TMEM200A: variants seen among roughly 807,000 people sequenced by gnomAD.
TMEM200A encodes the protein two transmembrane C.
A neutral mutation model predicts 24.3 loss-of-function variants in TMEM200A; 12 were observed. The observed-to-expected ratio is 0.49, with a 90% CI of 0.32 to 0.80. The LOEUF is 0.80. TMEM200A is among the 30% of genes least tolerant of loss of function. The probability of loss-of-function intolerance (pLI) is 0.04; values close to 1 mark genes in which losing one functional copy is unlikely to be tolerated. For missense variants in TMEM200A, 545 were observed against 614.4 expected (o/e 0.89, Z 1.19); for synonymous variants, 224 against 224.4 (o/e 1.00, Z 0.02).
chr6:130,436,427 C>CA (rs11285357), intron 2 of TMEM200A, among the ~76,000 whole-genome samples: 1,839 of 113,084 alleles, frequency 0.016, 23 homozygotes, highest in African/African-American at 0.043. Context: ...CAAAACAAAA[C>CA]AAAAAAAAAC....
chr6:130,408,318 A>G (rs1222581976), intron 2 of TMEM200A, among the ~76,000 whole-genome samples: 1 of 152,144 alleles, frequency 6.6e-6, no homozygotes, highest in Non-Finnish European at 1.5e-5. Context: ...CTCCAACTAC[A>G]CTTGAGGCCA....
intron 2 of TMEM200A, among the ~76,000 whole-genome samples, chr6:130,417,421 C>A (rs1779482733): frequency 6.6e-6 from 1 of 151,962 alleles, no homozygotes. Flanking sequence ...CTTTATCTAC[C>A]CAGGTTGAAG....
At chr6:130,428,815 CTG>C (rs576727435) in intron 2 of TMEM200A, among the ~76,000 whole-genome samples, 76 of 152,284 alleles carry the variant, frequency 5.0e-4, no homozygotes, top group African/African-American at 1.8e-3. Flanking sequence ...GAACTGGAAA[CTG>C]TTTTTCTTAA....
intron 1 of TMEM200A, among the ~76,000 whole-genome samples, chr6:130,379,601 G>A (rs1032759593): frequency 2.6e-5 from 4 of 152,150 alleles, no homozygotes; most frequent in African/African-American, 4.8e-5. Context: ...AATGTCAAAC[G>A]GTGAAGCAGA....
At chr6:130,374,452 AC>A (rs1778398395) in intron 1 of TMEM200A, among the ~76,000 whole-genome samples, 3 of 150,138 alleles carry the variant, frequency 2.0e-5, no homozygotes, top group Non-Finnish European at 4.4e-5. Flanking sequence ...TCGCTCTGTC[AC>A]CAGTCAGGCT....
intron 1 of TMEM200A, chr6:130,381,860 T>C: frequency 3.1e-6 from 3 of 963,854 alleles, no homozygotes; most frequent in Non-Finnish European, 3.7e-6. Context: ...GAGAAATTGC[T>C]GACTGAAGGT....
intron 2 of TMEM200A, among the ~76,000 whole-genome samples, chr6:130,391,010 A>G (rs1291988994): frequency 6.6e-6 from 1 of 152,230 alleles, no homozygotes; most frequent in Non-Finnish European, 1.5e-5. Flanking sequence ...GTCTCCAGAC[A>G]TTGCCTAGTG....
Position 130,366,513 on chromosome 6 carries a change from T to A in TMEM200A, c.-92T>A. ...AGGCGACCCGACCCCCAGGGCCCGG[T>A]GCTCAGGACAGGTGAGGGGAAGGAA... On this transcript the variant is annotated 5_prime_UTR_variant, in exon 1 of 3. Transcript: ENST00000296978. This position sits in a 1 kb window ranked among gnomAD's most constrained non-coding sequence, Gnocchi z 4.4. 3 of 984,698 alleles carry A rather than the reference T, an allele frequency of 3.0e-6. No homozygotes were observed. The highest frequency in any genetic ancestry group is 3.6e-6 in the Non-Finnish European group (3 of 829,960). 61.0% of individuals were successfully genotyped at this position (984,698 alleles called of 1,614,324 possible).
At chr6:130,384,149 CTTG>C (rs371911668) in intron 1 of TMEM200A, among the ~76,000 whole-genome samples, 20 of 152,200 alleles carry the variant, frequency 1.3e-4, no homozygotes, top group African/African-American at 3.9e-4. Context: ...GAAGAAATCA[CTTG>C]TTAAGTACTT....
intron 2 of TMEM200A, among the ~76,000 whole-genome samples, chr6:130,409,288 C>A (rs1779279658): frequency 6.6e-6 from 1 of 152,140 alleles, no homozygotes; most frequent in African/African-American, 2.4e-5. Context: ...TTTTAAATTT[C>A]ATTATTTATC....
At chr6:130,430,742 C>T (rs1779857003) in intron 2 of TMEM200A, among the ~76,000 whole-genome samples, 1 of 152,142 alleles carries the variant, frequency 6.6e-6, no homozygotes, top group Non-Finnish European at 1.5e-5. Context: ...GGAAGTCTCC[C>T]TTCACACCTG....
chr6:130,406,845 A>G (rs894054291), intron 2 of TMEM200A, among the ~76,000 whole-genome samples: 4 of 152,106 alleles, frequency 2.6e-5, no homozygotes, highest in South Asian at 2.1e-4. Flanking sequence ...CACTGTCTTT[A>G]TGTCTTAGCC....
intron 2 of TMEM200A, among the ~76,000 whole-genome samples, chr6:130,422,995 A>G (rs1299772910): frequency 1.3e-5 from 2 of 152,204 alleles, no homozygotes; most frequent in East Asian, 1.9e-4. Context: ...GTAGCTCTCA[A>G]ATTGAACTTG....
chr6:130,414,592 A>G (rs1779407298), intron 2 of TMEM200A, among the ~76,000 whole-genome samples: 1 of 152,184 alleles, frequency 6.6e-6, no homozygotes, highest in Non-Finnish European at 1.5e-5. Flanking sequence ...ATTTTCATTA[A>G]GAGTGCTTGT....
At chr6:130,435,302 C>G (rs17059000) in intron 2 of TMEM200A, among the ~76,000 whole-genome samples, 4,808 of 152,178 alleles carry the variant, frequency 0.032, 83 homozygotes, top group African/African-American at 0.049. Flanking sequence ...TGTCTTTTAA[C>G]TTGGCCTTTG....
chr6:130,395,086 A>G (rs1300020146), intron 2 of TMEM200A, among the ~76,000 whole-genome samples: 2 of 152,188 alleles, frequency 1.3e-5, no homozygotes, highest in African/African-American at 4.8e-5. Flanking sequence ...GTAGACACTC[A>G]GGAAATATGT....
intron 2 of TMEM200A, among the ~76,000 whole-genome samples, chr6:130,426,772 C>G (rs550276732): frequency 6.6e-6 from 1 of 152,112 alleles, no homozygotes; most frequent in African/African-American, 2.4e-5. Context: ...GAAAGTTCAT[C>G]GATGCTGATT....
At chr6:130,400,708 G>A (rs2115131924) in intron 2 of TMEM200A, among the ~76,000 whole-genome samples, 1 of 151,882 alleles carries the variant, frequency 6.6e-6, no homozygotes. Context: ...GTTTAACTTG[G>A]GTTCTGCCTA....
In TMEM200A at chr6:130,375,362, T is replaced by C. The variant is rs537695449; in HGVS notation, c.-81+8838T>C. Among the ~76,000 whole-genome samples, 56 of 152,310 alleles carry C rather than the reference T, an allele frequency of 3.7e-4. No individual in the cohort carries two copies. In the Middle Eastern group the frequency reaches 0.01, roughly 28 times the overall value. On this transcript the variant is annotated intron_variant, in intron 1 of 2. Coordinates refer to ENST00000296978, the MANE Select transcript of TMEM200A (RefSeq NM_001258277.2). Reference sequence around the variant, plus strand: ...TACTTATAAGACACATAAAATCTCTTATAACATGCGTTAAAAAGTAAACTT... The same window carrying C: ...TACTTATAAGACACATAAAATCTCTCATAACATGCGTTAAAAAGTAAACTT...
Sources: allele counts gnomAD v4.1 joint callset (sites outside exome capture counted in the v4.1 genomes callset), GRCh38; gene constraint gnomAD v4.1.1; non-coding constraint Gnocchi (gnomAD v3.1); transcripts MANE v1.5; gene names NCBI Gene and HGNC (gene_info 2026-07-23, HGNC 2026-07-21).